Variants in MLLT1 observed in about 807,000 individuals in gnomAD.
The protein encoded by MLLT1 is MLLT1 super elongation complex subunit, also known as protein ENL.
In MLLT1, 11 loss-of-function variants were observed where a neutral mutation model predicts 55.1. That is an observed-to-expected ratio of 0.20 (90% confidence interval 0.13 to 0.33). The LOEUF (loss-of-function observed/expected upper bound fraction) is 0.33, where lower values mean the gene tolerates loss of function less well. MLLT1 is among the 10% of genes least tolerant of loss of function. The pLI, the probability that MLLT1 is intolerant of heterozygous loss-of-function variation, is 1.00. For synonymous variants in MLLT1, 323 were observed against 320.1 expected (o/e 1.01, Z -0.10); for missense variants, 536 against 760.6 (o/e 0.70, Z 3.47).
In MLLT1 at chr19:6,273,425, A is replaced by C. The variant is rs1042409448; in HGVS notation, c.13-2666T>G. Among the ~76,000 whole-genome samples, 2 of 152,176 alleles carry C rather than the reference A, an allele frequency of 1.3e-5. No individual in the cohort carries two copies. The highest frequency in any genetic ancestry group is 4.8e-5 in the African/African-American group (2 of 41,442). On this transcript the variant is annotated intron_variant, in intron 1 of 11. Coordinates refer to ENST00000252674, the MANE Select transcript of MLLT1 (RefSeq NM_005934.4). This position sits in a 1 kb window ranked among gnomAD's most constrained non-coding sequence, Gnocchi z 4.3. Reference sequence around the variant, plus strand: ...TGGACGGAAGATCAGGCGCACTCATAAACCCCCGGCGCTGCGGATTCATGA... The same window carrying C: ...TGGACGGAAGATCAGGCGCACTCATCAACCCCCGGCGCTGCGGATTCATGA...
At chr19:6,261,834 A>C (rs1428865826) in intron 3 of MLLT1, among the ~76,000 whole-genome samples, 2 of 152,184 alleles carry the variant, frequency 1.3e-5, no homozygotes, top group African/African-American at 4.8e-5. Flanking sequence ...GACGCATCGT[A>C]ATCGGACTGT....
At position 6,229,291 on chromosome 19, in the gene MLLT1, C is replaced by T. The variant is rs1345994244; in HGVS notation, c.420+1279G>A. Among the ~76,000 whole-genome samples, 1 of 152,140 alleles carries T rather than the reference C, an allele frequency of 6.6e-6. No individual in the cohort carries two copies. Among genetic ancestry groups the T allele is most frequent in the Non-Finnish European group, 1.5e-5 (1 of 68,018 alleles). On this transcript the variant is annotated intron_variant, in intron 4 of 11. Coordinates refer to ENST00000252674, the MANE Select transcript of MLLT1 (RefSeq NM_005934.4). This position sits in a 1 kb window ranked among gnomAD's most constrained non-coding sequence, Gnocchi z 5.2. ...CATAGGCCCACGCCGGCACTGCCCT[C>T]CCCGGATCAGAACCACAAGCAGGGC...
In MLLT1 at chr19:6,226,925, C is replaced by T. The variant is rs2090961824; in HGVS notation, c.546+52G>A. 6.8e-7 allele frequency: 1 copy of T among 1,479,542 alleles called. No homozygotes were observed. The highest frequency in any genetic ancestry group is 1.5e-5 in the African/African-American group (1 of 68,860). The allele number at this position is 1,479,542 out of a possible 1,614,324, so 91.7% of individuals were successfully genotyped here. On this transcript the variant is annotated intron_variant, in intron 5 of 11. Transcript: ENST00000252674. This position sits in a 1 kb window ranked among gnomAD's most constrained non-coding sequence, Gnocchi z 6.3. Reference sequence around the variant, plus strand: ...AGGGAGGGCGCCGGGGCCAGACCCACCACAGCTGGGCCCCGGCGCTCCCAC... The same window carrying T: ...AGGGAGGGCGCCGGGGCCAGACCCATCACAGCTGGGCCCCGGCGCTCCCAC...
intron 8 of MLLT1, among the ~76,000 whole-genome samples, chr19:6,215,861 G>A (rs1451872525): frequency 3.3e-5 from 5 of 152,198 alleles, no homozygotes; most frequent in African/African-American, 1.2e-4. Context: ...GCTCTCCCAG[G>A]TGGGGTCACG....
intron 3 of MLLT1, among the ~76,000 whole-genome samples, chr19:6,233,229 G>A (rs1313480170): frequency 1.3e-5 from 2 of 152,236 alleles, no homozygotes; most frequent in Admixed American, 1.3e-4. Flanking sequence ...CGCCTCCTGG[G>A]AGTCGGGGCC....
intron 3 of MLLT1, among the ~76,000 whole-genome samples, chr19:6,236,713 G>A (rs1239675635): frequency 6.6e-6 from 1 of 152,198 alleles, no homozygotes; most frequent in African/African-American, 2.4e-5. Context: ...ATCCCAGGGG[G>A]CTGCGGACCC....
Position 6,235,321 on chromosome 19 carries a change from A to G in MLLT1, c.277-4608T>C, listed in dbSNP as rs8111706. The stretch of plus-strand genomic sequence containing the variant: ...AGCCTGGGGCCTGAGGGACACCAGC[A>G]GGAGCCTGGCCACGGTCCTGCCTCC... On this transcript the variant is annotated intron_variant, in intron 3 of 11. Transcript: ENST00000252674. This position sits in a 1 kb window ranked among gnomAD's most constrained non-coding sequence, Gnocchi z 5.5. Among the ~76,000 whole-genome samples the G allele has an allele frequency of 0.43, 64,977 of 152,130 alleles. 17,814 individuals carry two copies. Among genetic ancestry groups the G allele is most frequent in the African/African-American group, 0.78 (32,423 of 41,490 alleles).
At chr19:6,224,048 T>C (rs562332265) in intron 5 of MLLT1, among the ~76,000 whole-genome samples, 19 of 152,174 alleles carry the variant, frequency 1.2e-4, no homozygotes, top group African/African-American at 3.9e-4. Flanking sequence ...CCCAAAGACA[T>C]GCGGGAGGGG....
intron 2 of MLLT1, among the ~76,000 whole-genome samples, chr19:6,267,528 T>C (rs1010110486): frequency 3.3e-5 from 5 of 151,526 alleles, no homozygotes; most frequent in African/African-American, 1.2e-4. Flanking sequence ...ACAGACCAAA[T>C]GTGAAGCAAG....
rs12978261 is a variant in MLLT1, at chr19:6,229,370, C to A, written c.420+1200G>T. 6.6e-6 allele frequency among the ~76,000 whole-genome samples: 1 copy of A among 151,926 alleles called. No homozygotes were observed. On this transcript the variant is annotated intron_variant, in intron 4 of 11. Coordinates refer to ENST00000252674, the MANE Select transcript of MLLT1 (RefSeq NM_005934.4). The surrounding 1 kb of genome is among the most constrained non-coding windows in gnomAD (Gnocchi z 5.2). The stretch of plus-strand genomic sequence containing the variant: ...AAGCTTCTACATGGACAGACGCCTC[C>A]TTCTTCTTAGGAGAACGACGGCCAC...
chr19:6,252,507 TG>T (rs1009412319), intron 3 of MLLT1, among the ~76,000 whole-genome samples: 41 of 152,196 alleles, frequency 2.7e-4, no homozygotes, highest in African/African-American at 9.2e-4. Flanking sequence ...AAGAAATCAC[TG>T]GGAGAATTAG....
chr19:6,213,274 G>C, intron 11 of MLLT1, 63 bp downstream of exon 11: 1 of 1,606,812 alleles, frequency 6.2e-7, no homozygotes. Flanking sequence ...AGGGGCCCCC[G>C]CAGCCCACAC....
intron 3 of MLLT1, among the ~76,000 whole-genome samples, chr19:6,241,927 A>G (rs370949925): frequency 1.3e-5 from 2 of 152,112 alleles, no homozygotes; most frequent in Admixed American, 1.3e-4. Context: ...CAACCGGCCG[A>G]TTGTCCCTGG....
intron 3 of MLLT1, among the ~76,000 whole-genome samples, chr19:6,243,853 C>G (rs1365547341): frequency 6.6e-6 from 1 of 151,968 alleles, no homozygotes; most frequent in African/African-American, 2.4e-5. Context: ...ACCATCCTGG[C>G]TAACACGGTG....
chr19:6,234,029 G>C (rs547594072), intron 3 of MLLT1, among the ~76,000 whole-genome samples: 4 of 152,338 alleles, frequency 2.6e-5, no homozygotes, highest in African/African-American at 9.6e-5. Context: ...CAGACTGGAG[G>C]GGGGATGGTC....
At chr19:6,272,524 CA>C (rs1263821055) in intron 1 of MLLT1, among the ~76,000 whole-genome samples, 1 of 152,204 alleles carries the variant, frequency 6.6e-6, no homozygotes, top group Non-Finnish European at 1.5e-5. Context: ...CGCTGGAGAC[CA>C]ACCTTGAGTC....
At position 6,226,825 on chromosome 19, in the gene MLLT1, A is replaced by G. The variant is rs141092395; in HGVS notation, c.546+152T>C. ...AAATCCTAGGGAAGCGGCAGTGCGC[A>G]GCGAGGGGTGTGCAGAGAGCTCAAA... On this transcript the variant is annotated intron_variant, in intron 5 of 11. Coordinates refer to ENST00000252674, the MANE Select transcript of MLLT1 (RefSeq NM_005934.4). This position sits in a 1 kb window ranked among gnomAD's most constrained non-coding sequence, Gnocchi z 6.3. 228 of 481,158 alleles carry G rather than the reference A, an allele frequency of 4.7e-4. 4 individuals carry two copies. In the East Asian group the frequency reaches 6.4e-3, roughly 14 times the overall value. The allele number at this position is 481,158 out of a possible 1,614,324, so 29.8% of individuals were successfully genotyped here.
intron 3 of MLLT1, among the ~76,000 whole-genome samples, chr19:6,251,276 G>T (rs2091211520): frequency 6.6e-6 from 1 of 152,204 alleles, no homozygotes; most frequent in African/African-American, 2.4e-5. Context: ...TCTTAAAAAG[G>T]TTGGGGGGAT....
intron 7 of MLLT1, 88 bp from the exon 8 acceptor site, chr19:6,216,601 C>G: frequency 1.1e-6 from 1 of 889,964 alleles, no homozygotes; most frequent in Non-Finnish European, 1.7e-6. Context: ...CCACGCAGAG[C>G]TTCTTGACAC....
Sources: gnomAD v4.1 joint callset for allele counts (sites outside exome capture counted in the v4.1 genomes callset) on GRCh38, gnomAD v4.1.1 for gene constraint, Gnocchi (gnomAD v3.1) non-coding constraint, MANE v1.5 for transcripts, NCBI Gene and HGNC (gene_info 2026-07-23, HGNC 2026-07-21) for gene names.